EIPR1: variants seen among roughly 807,000 people sequenced by gnomAD.
EIPR1 encodes EARP complex and GARP complex interacting protein 1, also known as EARP and GARP complex-interacting protein 1.
A neutral mutation model predicts 48.1 loss-of-function variants in EIPR1; 25 were observed. The observed-to-expected ratio is 0.52, with a 90% CI of 0.38 to 0.73. The LOEUF (loss-of-function observed/expected upper bound fraction) is 0.73. Among genes scored for constraint, EIPR1 ranks in the 30% least tolerant of loss-of-function variants. EIPR1 has a pLI of 0.00. For synonymous variants in EIPR1, 204 were observed against 201.9 expected (o/e 1.01, Z -0.09); for missense variants, 415 against 506.2 (o/e 0.82, Z 1.73).
At position 3,199,060 on chromosome 2, in the gene EIPR1, GGCCCCC is replaced by G. The variant is rs1444601499; in HGVS notation, c.517-2049_517-2044del. Among the ~76,000 whole-genome samples, 4 of 23,340 alleles carry G rather than the reference GGCCCCC, an allele frequency of 1.7e-4. 1 individual carries two copies. The highest frequency in any genetic ancestry group is 2.0e-4 in the Non-Finnish European group (2 of 10,080). 15.3% of individuals were successfully genotyped at this position (23,340 alleles called of 152,430 possible). A position where few individuals can be genotyped will look rare whatever the true frequency, so the allele number is the denominator to read the frequency against. On this transcript the variant is annotated intron_variant, in intron 5 of 8. Coordinates refer to ENST00000382125, the MANE Select transcript of EIPR1 (RefSeq NM_003310.5). ...CACCCCCAGAGTGGCCATTTTAGAG[GGCCCCC>G]CCCCCGCCCCGGGAATGCATTCTTT... is the stretch of plus-strand genomic sequence containing the variant.
At chr2:3,303,240 G>C (rs1325297046) in intron 3 of EIPR1, among the ~76,000 whole-genome samples, 1 of 152,236 alleles carries the variant, frequency 6.6e-6, no homozygotes, top group East Asian at 1.9e-4. Flanking sequence ...CTGGGTGGAA[G>C]GGGAGGGGTG....
chr2:3,329,408 G>T (rs1258835598), intron 3 of EIPR1, among the ~76,000 whole-genome samples: 1 of 119,132 alleles, frequency 8.4e-6, no homozygotes, highest in Non-Finnish European at 1.7e-5. Flanking sequence ...TAATGATCTC[G>T]GGGTACTAGC....
At chr2:3,272,064 C>T (rs1368572666) in intron 3 of EIPR1, among the ~76,000 whole-genome samples, 2 of 152,248 alleles carry the variant, frequency 1.3e-5, no homozygotes, top group Non-Finnish European at 2.9e-5. Context: ...TTTCCTCCAA[C>T]CTCGTGAACC....
intron 3 of EIPR1, 84 bp downstream of exon 3, chr2:3,337,932 CG>C: frequency 7.0e-7 from 1 of 1,432,104 alleles, no homozygotes; most frequent in Admixed American, 2.5e-5. Flanking sequence ...AGTCATGTGT[CG>C]ACCCATTAGC....
chr2:3,370,234 C>G (rs1671080996), intron 1 of EIPR1, among the ~76,000 whole-genome samples: 1 of 152,174 alleles, frequency 6.6e-6, no homozygotes, highest in African/African-American at 2.4e-5. Flanking sequence ...AAAAACCCAT[C>G]TGTACATCAT....
At chr2:3,220,722 ATT>A (rs1414029178) in intron 4 of EIPR1, among the ~76,000 whole-genome samples, 2 of 151,486 alleles carry the variant, frequency 1.3e-5, no homozygotes, top group African/African-American at 2.4e-5. Flanking sequence ...ACTCTAGAAC[ATT>A]CACAGTGAGT....
chr2:3,330,123 A>T (rs1669841815), intron 3 of EIPR1, among the ~76,000 whole-genome samples: 1 of 152,230 alleles, frequency 6.6e-6, no homozygotes, highest in Non-Finnish European at 1.5e-5. Context: ...GAAGTTTAGG[A>T]GTGAGGAACT....
At chr2:3,193,103 CA>C (rs1664666989) in intron 7 of EIPR1, among the ~76,000 whole-genome samples, 1 of 152,156 alleles carries the variant, frequency 6.6e-6, no homozygotes, top group Non-Finnish European at 1.5e-5. Context: ...ATGCTGAGGC[CA>C]AAACAAGCTC....
intron 4 of EIPR1, among the ~76,000 whole-genome samples, chr2:3,218,693 C>CT (rs1407202507): frequency 1.3e-5 from 2 of 150,482 alleles, no homozygotes; most frequent in Non-Finnish European, 2.9e-5. Flanking sequence ...GTCAGGTGGA[C>CT]ACCCAACACG....
At chr2:3,296,415 C>A (rs142597021) in intron 3 of EIPR1, among the ~76,000 whole-genome samples, 2 of 134,980 alleles carry the variant, frequency 1.5e-5, no homozygotes, top group East Asian at 5.1e-4. Context: ...ATCCAGCTCA[C>A]CCCCTCTGCA....
chr2:3,195,510 A>G (rs1215709457), intron 6 of EIPR1, among the ~76,000 whole-genome samples: 1 of 152,208 alleles, frequency 6.6e-6, no homozygotes, highest in Non-Finnish European at 1.5e-5. Flanking sequence ...TCTGGTTTTT[A>G]TATCCTGCAC....
rs1558253204 is a variant in EIPR1, at chr2:3,253,947, G to A, written c.416+3352C>T. Among the ~76,000 whole-genome samples, 2 of 152,216 alleles carry A rather than the reference G, an allele frequency of 1.3e-5. 1 individual carries two copies. The highest frequency in any genetic ancestry group is 4.8e-5 in the African/African-American group (2 of 41,450). ...TCTGCAGGGAGCACCCATGGCAGGC[G>A]TGATGGCAGCTGGAGTGGTAGCGAC... is the stretch of plus-strand genomic sequence containing the variant. On this transcript the variant is annotated intron_variant, in intron 4 of 8. Transcript: ENST00000382125.
chr2:3,260,742 G>A (rs1479024516), intron 3 of EIPR1, among the ~76,000 whole-genome samples: 1 of 152,064 alleles, frequency 6.6e-6, no homozygotes, highest in Admixed American at 6.5e-5. Context: ...GAAAACATAT[G>A]AATGGTCAAC....
chr2:3,283,954 AAAAAAAAAAAAG>A (rs1446004482), intron 3 of EIPR1, among the ~76,000 whole-genome samples: 1 of 150,508 alleles, frequency 6.6e-6, no homozygotes, highest in Admixed American at 6.6e-5. Context: ...TAAAAAAAAA[AAAAAAAAAAAAG>A]AAAGAAAGAA....
In EIPR1 at chr2:3,193,901, A is replaced by G. The variant is rs538004785; in HGVS notation, c.821+98T>C. 2.1e-5 allele frequency: 29 copies of G among 1,396,250 alleles called. No individual in the cohort carries two copies. In the South Asian group the frequency reaches 3.6e-4, roughly 17 times the overall value. The allele number at this position is 1,396,250 out of a possible 1,614,324, so 86.5% of individuals were successfully genotyped here. On this transcript the variant is annotated intron_variant, in intron 7 of 8. Transcript: ENST00000382125. ...GGTTGATTGAATGATTCACAGCAGCACAAACTAAGCTGGTTTGTGTCTTTC... is the reference window on the plus strand; with the variant it reads ...GGTTGATTGAATGATTCACAGCAGCGCAAACTAAGCTGGTTTGTGTCTTTC...
intron 3 of EIPR1, among the ~76,000 whole-genome samples, chr2:3,270,598 A>T (rs149974675): frequency 3.8e-4 from 58 of 152,348 alleles, no homozygotes; most frequent in Non-Finnish European, 7.9e-4. Context: ...AGTTATGCTG[A>T]CACTATAATG....
At chr2:3,265,174 G>T (rs963532395) in intron 3 of EIPR1, among the ~76,000 whole-genome samples, 10 of 31,374 alleles carry the variant, frequency 3.2e-4, no homozygotes, top group Admixed American at 2.3e-3. Flanking sequence ...CCACCCTGAG[G>T]AAGACCAGAA....
intron 4 of EIPR1, among the ~76,000 whole-genome samples, chr2:3,242,671 T>C (rs192361826): frequency 3.3e-5 from 5 of 152,368 alleles, no homozygotes; most frequent in Admixed American, 1.3e-4. Context: ...TCAAGTTTAT[T>C]ACTGTACTGA....
intron 3 of EIPR1, among the ~76,000 whole-genome samples, chr2:3,313,264 A>G (rs1331714002): frequency 1.3e-5 from 2 of 152,248 alleles, no homozygotes; most frequent in African/African-American, 4.8e-5. Context: ...CCAATTGGAT[A>G]TCACCTGATC....
Sources: gnomAD v4.1 joint callset for allele counts (sites outside exome capture counted in the v4.1 genomes callset) on GRCh38, gnomAD v4.1.1 for gene constraint, MANE v1.5 for transcripts, NCBI Gene and HGNC (gene_info 2026-07-23, HGNC 2026-07-21) for gene names.